Variants in STK10 observed in about 807,000 individuals in gnomAD.
STK10 encodes serine/threonine-protein kinase 10.
In STK10, 78 loss-of-function variants were observed where a neutral mutation model predicts 113.8. The observed-to-expected ratio is 0.69, with a 90% CI of 0.57 to 0.83. The LOEUF (loss-of-function observed/expected upper bound fraction) is 0.83, where lower values mean the gene tolerates loss of function less well. Ranked by LOEUF, STK10 falls within the 40% of genes least tolerant of loss-of-function variation. STK10 has a pLI of 0.00. For missense variants in STK10, 1,109 were observed against 1,280.1 expected (o/e 0.87, Z 2.04); for synonymous variants, 465 against 494.7 (o/e 0.94, Z 0.80).
intron 12 of STK10, among the ~76,000 whole-genome samples, chr5:172,076,056 A>G (rs1391095616): frequency 2.0e-5 from 3 of 151,630 alleles, no homozygotes; most frequent in Non-Finnish European, 2.9e-5. Context: ...TCCTTCTCCT[A>G]TGTTCTTTGG....
chr5:172,067,280 C>T (rs60670834), intron 12 of STK10, among the ~76,000 whole-genome samples: 1,533 of 152,084 alleles, frequency 0.01, 26 homozygotes, highest in African/African-American at 0.036. Context: ...TCACTTTAGC[C>T]CAGGAGGTTG....
chr5:172,165,706 T>C (rs1770556698), intron 1 of STK10, among the ~76,000 whole-genome samples: 1 of 152,122 alleles, frequency 6.6e-6, no homozygotes, highest in African/African-American at 2.4e-5. Context: ...GTCACAGTCA[T>C]TGGTTCAGAG....
Position 172,137,870 on chromosome 5 carries a change from C to T in STK10, c.322-10449G>A, listed in dbSNP as rs560988730. 7.3e-4 allele frequency among the ~76,000 whole-genome samples: 97 copies of T among 133,716 alleles called. No individual in the cohort carries two copies. In the South Asian group the frequency reaches 0.011, roughly 15 times the overall value. The allele number at this position is 133,716 out of a possible 152,430, so 87.7% of individuals were successfully genotyped here. ...TCACACCACAGTACTCCAGCCTGGA[C>T]GACAGAGCGAGACTCTGTCTCAAAA... is the stretch of plus-strand genomic sequence containing the variant. On this transcript the variant is annotated intron_variant, in intron 2 of 18. Transcript: ENST00000176763.
chr5:172,184,721 A>G (rs191981487), intron 1 of STK10, among the ~76,000 whole-genome samples: 12 of 152,240 alleles, frequency 7.9e-5, no homozygotes, highest in African/African-American at 2.6e-4. Context: ...GCATGATCTC[A>G]GCCCACAGCA....
chr5:172,053,831 T>G (rs953017257), intron 17 of STK10, among the ~76,000 whole-genome samples: 23 of 152,374 alleles, frequency 1.5e-4, no homozygotes, highest in Non-Finnish European at 3.2e-4. Context: ...TGCATGCCTG[T>G]GGCCTGCCAG....
At chr5:172,178,552 C>G (rs1275340870) in intron 1 of STK10, among the ~76,000 whole-genome samples, 1 of 152,174 alleles carries the variant, frequency 6.6e-6, no homozygotes, top group Non-Finnish European at 1.5e-5. Context: ...ACTGGATACC[C>G]GCTGTATGAG....
intron 7 of STK10, among the ~76,000 whole-genome samples, chr5:172,097,678 G>C (rs916859046): frequency 6.6e-6 from 1 of 152,088 alleles, no homozygotes; most frequent in Non-Finnish European, 1.5e-5. Context: ...CATCTGGGCT[G>C]TTTCCCATTT....
chr5:172,108,014 G>A (rs1769154770), intron 4 of STK10, 162 bp from the exon 5 acceptor site: 3 of 602,466 alleles, frequency 5.0e-6, no homozygotes, highest in Non-Finnish European at 8.8e-6. Flanking sequence ...CTGCTGAGAG[G>A]AAGTACCGAG....
In STK10 at chr5:172,131,498, G is replaced by C. The variant is rs1769756996; in HGVS notation, c.322-4077C>G. ...CTCGTGCATTCTGACAACCTGGCTT[G>C]CTTCCTCTTCTTTAGTTCAAGAGCT... On this transcript the variant is annotated intron_variant, in intron 2 of 18. Transcript: ENST00000176763. Among the ~76,000 whole-genome samples, 7 of 152,200 alleles carry C rather than the reference G, an allele frequency of 4.6e-5. No homozygotes were observed. The South Asian group carries it at 1.4e-3, about 31-fold the overall frequency.
intron 2 of STK10, among the ~76,000 whole-genome samples, chr5:172,142,518 C>A (rs950785263): frequency 3.5e-4 from 53 of 152,298 alleles, no homozygotes; most frequent in African/African-American, 1.3e-3. Context: ...CTATCTACGA[C>A]ACCTAATGCA....
In STK10 at chr5:172,162,144, C is replaced by A. The variant is rs183973374; in HGVS notation, c.157-5356G>T. Among the ~76,000 whole-genome samples the A allele has an allele frequency of 3.9e-5, 6 of 152,130 alleles. No homozygotes were observed. In the East Asian group the frequency reaches 1.2e-3, roughly 29 times the overall value. The stretch of plus-strand genomic sequence containing the variant: ...TCACCTGAAGTCAAGGGTTGGGGAC[C>A]AGCCTGACCAACATGGTAAAACCCC... On this transcript the variant is annotated intron_variant, in intron 1 of 18. Coordinates refer to ENST00000176763, the MANE Select transcript of STK10 (RefSeq NM_005990.4).
intron 1 of STK10, among the ~76,000 whole-genome samples, chr5:172,182,735 G>A (rs985746652): frequency 1.3e-5 from 2 of 151,346 alleles, no homozygotes; most frequent in East Asian, 2.0e-4. Flanking sequence ...TGTATTTTCC[G>A]TAGAGACGGG....
At chr5:172,066,233 T>C (rs890271945) in intron 12 of STK10, among the ~76,000 whole-genome samples, 9 of 152,196 alleles carry the variant, frequency 5.9e-5, no homozygotes, top group Admixed American at 2.0e-4. Flanking sequence ...TGAAAGCAGC[T>C]ACTTGAGGAC....
chr5:172,110,429 G>T (rs1282662102), intron 4 of STK10, among the ~76,000 whole-genome samples: 1 of 152,166 alleles, frequency 6.6e-6, no homozygotes, highest in Admixed American at 6.6e-5. Context: ...CCGTGGTGGC[G>T]ACAGGCACCT....
In STK10 at chr5:172,043,832, C is replaced by G. The variant is rs1050561736; in HGVS notation, c.*1050G>C. ...AGTCCAACAGACTGCCAGCCCAGGT[C>G]TGAAATGCAAGGTGGGACTCCTGAA... On this transcript the variant is annotated 3_prime_UTR_variant, in exon 19 of 19. Transcript: ENST00000176763. 2.0e-5 allele frequency: 3 copies of G among 152,214 alleles called. No individual in the cohort carries two copies. The highest frequency in any genetic ancestry group is 3.8e-4 in the East Asian group (2 of 5,196). The allele number at this position is 152,214 out of a possible 1,614,324, so 9.4% of individuals were successfully genotyped here.
At chr5:172,050,577 T>A (rs1041447691) in intron 18 of STK10, among the ~76,000 whole-genome samples, 1 of 152,058 alleles carries the variant, frequency 6.6e-6, no homozygotes, top group Non-Finnish European at 1.5e-5. Context: ...CTCTTGAAAA[T>A]GAACAAACTG....
chr5:172,046,265 C>A (rs1260793138), intron 18 of STK10, among the ~76,000 whole-genome samples: 2 of 149,198 alleles, frequency 1.3e-5, no homozygotes, highest in African/African-American at 4.9e-5. Context: ...GAGGCTGAGG[C>A]AGGAGAATCA....
chr5:172,076,207 T>TA (rs1471734791), intron 12 of STK10, among the ~76,000 whole-genome samples: 2 of 63,190 alleles, frequency 3.2e-5, no homozygotes, highest in Non-Finnish European at 5.9e-5. Context: ...CCTGTGCATT[T>TA]GTTGTGGGGG....
At chr5:172,047,898 G>GTT (rs1272269466) in intron 18 of STK10, among the ~76,000 whole-genome samples, 5 of 129,250 alleles carry the variant, frequency 3.9e-5, no homozygotes, top group South Asian at 4.7e-4. Context: ...ATGTTTTTTG[G>GTT]GTTTTTTTTT....
Sources: gnomAD v4.1 joint callset for allele counts (sites outside exome capture counted in the v4.1 genomes callset) on GRCh38, gnomAD v4.1.1 for gene constraint, MANE v1.5 for transcripts, NCBI Gene and HGNC (gene_info 2026-07-23, HGNC 2026-07-21) for gene names.